The following NELFA variants were observed in gnomAD, a reference collection of about 807,000 sequenced individuals.
NELFA encodes negative elongation factor complex member A, also known as negative elongation factor A.
A neutral mutation model predicts 51.8 loss-of-function variants in NELFA; 35 were observed. The observed-to-expected ratio is 0.68, with a 90% CI of 0.52 to 0.90. The LOEUF (loss-of-function observed/expected upper bound fraction) is 0.90, where lower values mean the gene tolerates loss of function less well. Among genes scored for constraint, NELFA ranks in the 40% least tolerant of loss-of-function variants. NELFA has a pLI of 0.00. For missense variants in NELFA, 658 were observed against 746.4 expected, an observed-to-expected ratio of 0.88 and a Z score of 1.38; for synonymous variants, 417 against 338.4, an observed-to-expected ratio of 1.23 and a Z score of -2.55.
At position 1,985,815 on chromosome 4, in the gene NELFA, G is replaced by A. The variant is rs1560858907; in HGVS notation, c.885C>T (p.Asn295=). The A allele has an allele frequency of 3.4e-5, 55 of 1,613,208 alleles. No homozygotes were observed. Among genetic ancestry groups the A allele is most frequent in the East Asian group, 2.5e-4 (11 of 44,868 alleles). ...KPAKEETVVE[N]ATPDYAAGLV... Reference sequence around the variant, plus strand: ...GGCCGGCTGCGTAGTCCGGGGTGGCGTTCTCCACCACCGTTTCCTCCTTGG... The same window carrying A: ...GGCCGGCTGCGTAGTCCGGGGTGGCATTCTCCACCACCGTTTCCTCCTTGG... The change falls in exon 7 of 11, where the codon AAC becomes AAT. Residue 295 remains asparagine (N), a synonymous_variant. Coordinates refer to ENST00000382882, the MANE Select transcript of NELFA (RefSeq NM_005663.5).
rs1367492347 is a variant in NELFA at position 1,989,518 on chromosome 4, T to C, written c.544+190A>G. On this transcript the variant is annotated intron_variant, in intron 3 of 10. Transcript: ENST00000382882. This position sits in a 1 kb window ranked among gnomAD's most constrained non-coding sequence, Gnocchi z 4.8. ...AATGTTTTGGTACTTTTGGTAGAGATGGGGTTTCTTGGCTGGTCTCAAACT... is the reference window on the plus strand; with the variant it reads ...AATGTTTTGGTACTTTTGGTAGAGACGGGGTTTCTTGGCTGGTCTCAAACT... Among the ~76,000 whole-genome samples the C allele has an allele frequency of 2.0e-5, 3 of 151,552 alleles. No homozygotes were observed. Among genetic ancestry groups the C allele is most frequent in the African/African-American group, 4.9e-5 (2 of 41,196 alleles).
intron 1 of NELFA, among the ~76,000 whole-genome samples, chr4:1,993,386 A>C (rs1728334544): frequency 6.6e-6 from 1 of 152,014 alleles, no homozygotes; most frequent in African/African-American, 2.4e-5. Flanking sequence ...TGGGGACCAG[A>C]CTGACCCACA....
At chr4:1,995,592 T>G (rs1359722171) in intron 1 of NELFA, among the ~76,000 whole-genome samples, 1 of 152,200 alleles carries the variant, frequency 6.6e-6, no homozygotes, top group Non-Finnish European at 1.5e-5. Flanking sequence ...TTTATCACAA[T>G]TTCTTGTAAT....
In NELFA at chr4:1,983,421, C is replaced by T; in HGVS notation, c.1485G>A (p.Gln495=). Residue 495 remains glutamine, a synonymous_variant, in exon 11 of 11, where the codon CAG becomes CAA. Transcript: ENST00000382882. ...HTEDLPKADG[Q]GSTTMLVDTV... ...TGTCCACCAGCATGGTTGTGCTACC[C>T]TGGCCGTCCGCCTTGGGCAGGTCCT... 4 of 1,614,238 alleles carry T rather than the reference C, an allele frequency of 2.5e-6. No homozygotes were observed. Among genetic ancestry groups the T allele is most frequent in the Non-Finnish European group, 3.4e-6 (4 of 1,180,042 alleles).
At chr4:1,992,037 G>C (rs1208288555) in intron 1 of NELFA, 2 of 268,682 alleles carry the variant, frequency 7.4e-6, no homozygotes, top group Non-Finnish European at 1.4e-5. Flanking sequence ...TGAAGGGTGA[G>C]AAGCCGGGGC....
intron 1 of NELFA, among the ~76,000 whole-genome samples, chr4:1,999,815 T>A (rs1349194444): frequency 1.3e-5 from 2 of 152,128 alleles, no homozygotes; most frequent in African/African-American, 4.8e-5. Flanking sequence ...ACTCTCTACC[T>A]CAAATCAACA....
intron 7 of NELFA, 122 bp from the exon 8 acceptor site, chr4:1,985,041 C>G (rs982730788): frequency 1.5e-6 from 1 of 686,582 alleles, no homozygotes; most frequent in African/African-American, 1.8e-5. Context: ...AGCAGGAAGG[C>G]GGGGGCCACT....
At chr4:1,993,067 G>A (rs966247509) in intron 1 of NELFA, among the ~76,000 whole-genome samples, 3 of 152,240 alleles carry the variant, frequency 2.0e-5, no homozygotes, top group African/African-American at 4.8e-5. Context: ...CAGCCGCACA[G>A]CCCGGCTGTT....
intron 8 of NELFA, 110 bp from the exon 9 acceptor site, chr4:1,984,223 C>G: frequency 1.5e-6 from 2 of 1,292,418 alleles, no homozygotes; most frequent in Non-Finnish European, 2.0e-6. Context: ...CTGCTACCCT[C>G]TGACAAGAAC....
At chr4:1,998,780 T>G (rs189234243) in intron 1 of NELFA, among the ~76,000 whole-genome samples, 1 of 152,066 alleles carries the variant, frequency 6.6e-6, no homozygotes, top group Non-Finnish European at 1.5e-5. Context: ...ACATGCAAAT[T>G]TGGGAAATAC....
intron 2 of NELFA, among the ~76,000 whole-genome samples, chr4:1,990,777 A>G (rs938027628): frequency 1.3e-5 from 2 of 152,218 alleles, no homozygotes; most frequent in African/African-American, 4.8e-5. Context: ...TCCCATCAAG[A>G]CATGTTCTTC....
At position 1,986,131 on chromosome 4, in the gene NELFA, C is replaced by T. The variant is rs749188582; in HGVS notation, c.818G>A (p.Arg273Gln). ...ACCCCCACCGAGAGTCTTCCTTCTCCGCTTCGCCTCTCGGCCAGCGCCAAC... is the reference window on the plus strand; with the variant it reads ...ACCCCCACCGAGAGTCTTCCTTCTCTGCTTCGCCTCTCGGCCAGCGCCAAC... Reference protein sequence around the residue: ...DMVGAGREAKRRRKTLDAEVV... With the variant: ...DMVGAGREAKQRRKTLDAEVV... The change falls in exon 6 of 11, where the codon CGG (arginine) becomes CAG (glutamine). Residue 273 changes from arginine (R) to glutamine (Q), a missense_variant. Arg to Gln is a conservative substitution (Grantham distance 43). This residue lies in a region of NELFA where 371 missense variants were observed against 448.3 expected (regional missense o/e 0.83). Coordinates refer to ENST00000382882, the MANE Select transcript of NELFA (RefSeq NM_005663.5). 7 of 1,552,818 alleles carry T rather than the reference C, an allele frequency of 4.5e-6. No individual in the cohort carries two copies. The highest frequency in any genetic ancestry group is 2.4e-5 in the East Asian group (1 of 41,054).
At position 1,983,157 on chromosome 4, in the gene NELFA, C is replaced by T. The variant is rs1727944654; in HGVS notation, c.*162G>A. The T allele has an allele frequency of 3.4e-6, 2 of 595,840 alleles. No individual in the cohort carries two copies. Among genetic ancestry groups the T allele is most frequent in the Non-Finnish European group, 2.8e-6 (1 of 356,922 alleles). The allele number at this position is 595,840 out of a possible 1,614,324, so 36.9% of individuals were successfully genotyped here. Reference sequence around the variant, plus strand: ...AATTTTAAAAATAAGCCCCAAATACCCCAGAGAAATGCATCCAGAACTTAA... The same window carrying T: ...AATTTTAAAAATAAGCCCCAAATACTCCAGAGAAATGCATCCAGAACTTAA... On this transcript the variant is annotated 3_prime_UTR_variant, in exon 11 of 11. Coordinates refer to ENST00000382882, the MANE Select transcript of NELFA (RefSeq NM_005663.5).
Position 1,989,567 on chromosome 4 carries a change from C to T in NELFA, c.544+141G>A. 1 of 899,152 alleles carries T rather than the reference C, an allele frequency of 1.1e-6. No homozygotes were observed. The highest frequency in any genetic ancestry group is 1.7e-6 in the Non-Finnish European group (1 of 597,022). The allele number at this position is 899,152 out of a possible 1,614,324, so 55.7% of individuals were successfully genotyped here. On this transcript the variant is annotated intron_variant, in intron 3 of 10. Transcript: ENST00000382882. The surrounding 1 kb of genome is among the most constrained non-coding windows in gnomAD (Gnocchi z 4.8). ...CTCCTGGGCTCAAACGACCCACCTG[C>T]CCCAGCCTCCCAACAGGTGTGAGCC...
intron 8 of NELFA, 45 bp downstream of exon 8, chr4:1,984,763 T>C: frequency 6.9e-7 from 1 of 1,440,784 alleles, no homozygotes; most frequent in Non-Finnish European, 9.5e-7. Flanking sequence ...GGTCATGTCC[T>C]GGCAGGCAGC....
chr4:1,984,715 G>T, intron 8 of NELFA, 93 bp downstream of exon 8: 1 of 829,484 alleles, frequency 1.2e-6, no homozygotes, highest in Non-Finnish European at 1.9e-6. Context: ...CAGAGATGCA[G>T]GAGTGAGAAC....
chr4:1,992,136 G>C lies in NELFA; in HGVS notation c.211-421C>G, dbSNP rs960436026. On this transcript the variant is annotated intron_variant, in intron 1 of 10. Coordinates refer to ENST00000382882, the MANE Select transcript of NELFA (RefSeq NM_005663.5). ...CAGGTGCCCGGCACAGCAGAGCGCA[G>C]GAGCAGGGTGGAGTCACCTGCCGCG... 1.2e-4 allele frequency: 26 copies of C among 218,298 alleles called. 1 individual carries two copies. Among genetic ancestry groups the C allele is most frequent in the African/African-American group, 6.2e-4 (26 of 42,028 alleles). The allele number at this position is 218,298 out of a possible 1,614,324, so 13.5% of individuals were successfully genotyped here.
At position 1,986,087 on chromosome 4, in the gene NELFA, C is replaced by T. The variant is rs2234566; in HGVS notation, c.835+27G>A. 2.9e-4 allele frequency: 455 copies of T among 1,548,534 alleles called. 6 individuals carry two copies. The East Asian group carries it at 9.3e-3, about 32-fold the overall frequency. On this transcript the variant is annotated intron_variant, in intron 6 of 10. Coordinates refer to ENST00000382882, the MANE Select transcript of NELFA (RefSeq NM_005663.5). Reference sequence around the variant, plus strand: ...CAGGGCCCGCAGGGACCCCCATTGCCGCCGACACGCAGGCCCCAACCCCCA... The same window carrying T: ...CAGGGCCCGCAGGGACCCCCATTGCTGCCGACACGCAGGCCCCAACCCCCA...
chr4:1,991,285 C>T (rs1260652858), intron 2 of NELFA, among the ~76,000 whole-genome samples: 1 of 152,136 alleles, frequency 6.6e-6, no homozygotes, highest in Non-Finnish European at 1.5e-5. Context: ...AGAGAGACGG[C>T]GAGTGGCGTG....
Sources: gnomAD v4.1 joint callset for allele counts (sites outside exome capture counted in the v4.1 genomes callset) on GRCh38, gnomAD v4.1.1 for gene constraint, gnomAD v4.1.1 regional missense constraint, Gnocchi (gnomAD v3.1) non-coding constraint, MANE v1.5 for transcripts, NCBI Gene and HGNC (gene_info 2026-07-23, HGNC 2026-07-21) for gene names.